ZGRF1: variants seen among roughly 807,000 people sequenced by gnomAD.
ZGRF1 encodes the protein 5'-3' DNA helicase ZGRF1.
A neutral mutation model predicts 203.5 loss-of-function variants in ZGRF1; 196 were observed. The observed-to-expected ratio is 0.96, with a 90% CI of 0.86 to 1.08. The LOEUF (loss-of-function observed/expected upper bound fraction) is 1.08. ZGRF1 is among the 50% of genes least tolerant of loss of function. The pLI, the probability that ZGRF1 is intolerant of heterozygous loss-of-function variation, is 0.00. For synonymous variants in ZGRF1, 809 were observed against 841.3 expected (o/e 0.96, Z 0.66); for missense variants, 2,326 against 2,416.3 (o/e 0.96, Z 0.78).
chr4:112,605,226 T>C lies in ZGRF1; in HGVS notation c.2802+782A>G, dbSNP rs961693381. Among the ~76,000 whole-genome samples, 5 of 152,024 alleles carry C rather than the reference T, an allele frequency of 3.3e-5. No homozygotes were observed. In the South Asian group the frequency reaches 8.3e-4, roughly 25 times the overall value. ...CCCAGGCTGGAGTGCAGTGGCACAA[T>C]GTTGGCTCGCTGCAACCTCCACCTC... On this transcript the variant is annotated intron_variant, in intron 9 of 27. Coordinates refer to ENST00000505019, the MANE Select transcript of ZGRF1 (RefSeq NM_018392.5).
chr4:112,613,015 C>T (rs762511927), intron 6 of ZGRF1, among the ~76,000 whole-genome samples: 29 of 152,152 alleles, frequency 1.9e-4, no homozygotes, highest in Admixed American at 9.8e-4. Context: ...AAAACAGAGT[C>T]GGGCATGGTG....
chr4:112,584,539 A>C (rs1282551373), intron 14 of ZGRF1, among the ~76,000 whole-genome samples: 2 of 152,194 alleles, frequency 1.3e-5, no homozygotes, highest in Non-Finnish European at 2.9e-5. Context: ...ACAACCCAAA[A>C]AGAACAAACA....
At position 112,544,583 on chromosome 4, in the gene ZGRF1, A is replaced by G. The variant is rs80249079; in HGVS notation, c.5598+2702T>C. Among the ~76,000 whole-genome samples the G allele has an allele frequency of 3.4e-3, 512 of 152,332 alleles. 2 individuals carry two copies. The highest frequency in any genetic ancestry group is 0.011 in the African/African-American group (469 of 41,574). ...GGGCCTCAGATGTCCTGTCACTTTG[A>G]TGGGACACCACCATAATTCCAGGTA... On this transcript the variant is annotated intron_variant, in intron 24 of 27. Transcript: ENST00000505019.
chr4:112,585,518 A>G, intron 14 of ZGRF1, 23 bp downstream of exon 14: 1 of 1,590,612 alleles, frequency 6.3e-7, no homozygotes, highest in Non-Finnish European at 8.6e-7. Context: ...TTGGTATGGT[A>G]GGGGGAGGGG....
At chr4:112,601,238 T>C (rs1749919173) in intron 10 of ZGRF1, among the ~76,000 whole-genome samples, 1 of 151,754 alleles carries the variant, frequency 6.6e-6, no homozygotes, top group African/African-American at 2.4e-5. Context: ...TGAAACAACA[T>C]CTCAAAAAAA....
intron 10 of ZGRF1, among the ~76,000 whole-genome samples, chr4:112,590,430 T>C (rs1457261918): frequency 6.6e-6 from 1 of 152,148 alleles, no homozygotes; most frequent in Admixed American, 6.5e-5. Flanking sequence ...TCTAATATGA[T>C]GATCAAATAT....
At position 112,620,010 on chromosome 4, in the gene ZGRF1, T is replaced by A. The variant is rs756485907; in HGVS notation, c.343A>T (p.Lys115Ter). ...TCCATAGCAAAACTTACAGTAAACT[T>A]CCTTTTTAAGCCAGAGGGCTGACAT... ...LGCQPSGLKR[K>*]FTGFQGPRQV... The change falls in exon 5 of 28, where the codon AAG becomes TAG. Residue 115 changes from lysine (K) to a stop codon, truncating the protein, a stop_gained. Coordinates refer to ENST00000505019, the MANE Select transcript of ZGRF1 (RefSeq NM_018392.5). LOFTEE classifies it high-confidence loss of function. 6 of 1,573,708 alleles carry A rather than the reference T, an allele frequency of 3.8e-6. No homozygotes were observed. In the African/African-American group the frequency reaches 6.9e-5, roughly 18 times the overall value.
In ZGRF1 at chr4:112,612,516, A is replaced by T. The variant is rs2046722442; in HGVS notation, c.2667+8T>A. On this transcript the variant is annotated splice_region_variant and intron_variant, in intron 7 of 27. Transcript: ENST00000505019. The stretch of plus-strand genomic sequence containing the variant: ...AAAAAAACATACTCTTAGAAAAAAA[A>T]CCTGTACCTGTTGAGAATCCTTGTG... 6.4e-7 allele frequency: 1 copy of T among 1,571,520 alleles called. No individual in the cohort carries two copies. Among genetic ancestry groups the T allele is most frequent in the African/African-American group, 1.4e-5 (1 of 73,216 alleles).
chr4:112,630,395 G>C (rs944865766), intron 3 of ZGRF1, among the ~76,000 whole-genome samples: 1 of 152,058 alleles, frequency 6.6e-6, no homozygotes, highest in Non-Finnish European at 1.5e-5. Flanking sequence ...GCAAGTGCCT[G>C]TAATCTCAGC....
At chr4:112,590,688 G>A (rs911810842) in intron 10 of ZGRF1, among the ~76,000 whole-genome samples, 3 of 152,054 alleles carry the variant, frequency 2.0e-5, no homozygotes, top group African/African-American at 7.2e-5. Context: ...CACTTTGGGA[G>A]GCTGAGGCGG....
In ZGRF1 at chr4:112,619,515, G is replaced by A. The variant is rs1189149229; in HGVS notation, c.527C>T (p.Pro176Leu). ...GTTCTTGTAAGTCACAATGTTCTCA[G>A]GGTCTGCCAGTATATTATTTACATC... ...KKDVNNILAD[P>L]ENIVTYKNRE... The change falls in exon 6 of 28, where the codon CCT (proline) becomes CTT (leucine). Residue 176 changes from proline to leucine, a missense_variant. Physicochemically the swap from Pro to Leu is moderately conservative, Grantham distance 98. Transcript: ENST00000505019. 2 of 1,614,014 alleles carry A rather than the reference G, an allele frequency of 1.2e-6. No individual in the cohort carries two copies. Among genetic ancestry groups the A allele is most frequent in the African/African-American group, 1.3e-5 (1 of 75,042 alleles).
chr4:112,586,634 T>C (rs780838059), intron 12 of ZGRF1, 51 bp from the exon 13 acceptor site: 41 of 1,275,676 alleles, frequency 3.2e-5, no homozygotes, highest in Non-Finnish European at 4.1e-5. Context: ...AAATACTGTT[T>C]ACTAAAGAGT....
At chr4:112,624,809 A>T (rs907460065) in intron 3 of ZGRF1, among the ~76,000 whole-genome samples, 2 of 152,144 alleles carry the variant, frequency 1.3e-5, no homozygotes, top group African/African-American at 4.8e-5. Flanking sequence ...TCCTTGAAAG[A>T]TTAAAGTTCC....
At chr4:112,571,755 C>T (rs776563098) in intron 16 of ZGRF1, among the ~76,000 whole-genome samples, 7 of 152,090 alleles carry the variant, frequency 4.6e-5, no homozygotes, top group Admixed American at 6.5e-5. Context: ...AAGATCCCAA[C>T]AAGTTTTTCA....
At chr4:112,585,823 A>C (rs1199996137) in intron 13 of ZGRF1, 98 bp from the exon 14 acceptor site, 1 of 755,150 alleles carries the variant, frequency 1.3e-6, no homozygotes, top group Non-Finnish European at 1.9e-6. Context: ...ATAGCCTTTA[A>C]ACAGAGTCAT....
At position 112,618,698 on chromosome 4, in the gene ZGRF1, G is replaced by A. The variant is rs2046967804; in HGVS notation, c.1344C>T (p.Cys448=). ...KIPFNQNDKG[C]IKGSVLIKEN... is the part of the protein sequence containing the mutation. ...CTTTAATGAGAACTGATCCTTTAAT[G>A]CACCCCTTGTCATTTTGATTAAAAG... The change falls in exon 6 of 28, where the codon TGC becomes TGT. Residue 448 remains cysteine (C), a synonymous_variant. Coordinates refer to ENST00000505019, the MANE Select transcript of ZGRF1 (RefSeq NM_018392.5). The A allele has an allele frequency of 6.2e-7, 1 of 1,611,410 alleles. No homozygotes were observed. The highest frequency in any genetic ancestry group is 1.7e-5 in the Admixed American group (1 of 59,892).
intron 10 of ZGRF1, among the ~76,000 whole-genome samples, chr4:112,601,113 A>AG (rs1005512896): frequency 5.9e-5 from 9 of 151,466 alleles, no homozygotes; most frequent in African/African-American, 2.2e-4. Flanking sequence ...AAAAAAAAAA[A>AG]AAAAATGATA....
At chr4:112,623,897 T>C (rs752689395) in intron 3 of ZGRF1, 21 bp from the exon 4 acceptor site, 6 of 1,341,240 alleles carry the variant, frequency 4.5e-6, no homozygotes, top group Non-Finnish European at 6.3e-6. Context: ...ACAAAATAAA[T>C]GTTAAAAAGG....
chr4:112,546,482 T>C (rs1316362852), intron 24 of ZGRF1, among the ~76,000 whole-genome samples: 3 of 152,224 alleles, frequency 2.0e-5, no homozygotes, highest in African/African-American at 7.2e-5. Context: ...ATGAATGCAA[T>C]GGTTTGAATG....
Sources: gnomAD v4.1 joint callset for allele counts (sites outside exome capture counted in the v4.1 genomes callset) on GRCh38, gnomAD v4.1.1 for gene constraint, MANE v1.5 for transcripts, NCBI Gene and HGNC (gene_info 2026-07-23, HGNC 2026-07-21) for gene names.